The following SGF29 variants were observed in gnomAD, a reference collection of about 807,000 sequenced individuals.
SGF29 encodes the protein SAGA-associated factor 29.
A neutral mutation model predicts 38.1 loss-of-function variants in SGF29; 15 were observed. That is an observed-to-expected ratio of 0.39 (90% CI 0.26 to 0.61). The LOEUF (loss-of-function observed/expected upper bound fraction) is 0.61, where lower values mean the gene tolerates loss of function less well. Among genes scored for constraint, SGF29 ranks in the 20% least tolerant of loss-of-function variants. The pLI is 0.49. For missense variants in SGF29, 184 were observed against 394.6 expected (o/e 0.47, Z 4.52); for synonymous variants, 151 against 160.8 (o/e 0.94, Z 0.46).
At chr16:28,567,242 T>A (rs1356722609) in intron 1 of SGF29, among the ~76,000 whole-genome samples, 2 of 152,134 alleles carry the variant, frequency 1.3e-5, no homozygotes, top group Non-Finnish European at 2.9e-5. Context: ...AGTGAGTGAG[T>A]ATCTTAGTTC....
intron 2 of SGF29, among the ~76,000 whole-genome samples, chr16:28,582,551 G>A (rs2046932365): frequency 6.6e-6 from 1 of 152,224 alleles, no homozygotes; most frequent in African/African-American, 2.4e-5. Context: ...GCGCAGGGCA[G>A]AGCAGGTATA....
At position 28,590,081 on chromosome 16, in the gene SGF29, C is replaced by T. The variant is rs1227521068; in HGVS notation, c.290-15C>T. 1 of 1,607,658 alleles carries T rather than the reference C, an allele frequency of 6.2e-7. No individual in the cohort carries two copies. On this transcript the variant is annotated splice_polypyrimidine_tract_variant and intron_variant, in intron 5 of 9. Transcript: ENST00000317058. This position sits in a 1 kb window ranked among gnomAD's most constrained non-coding sequence, Gnocchi z 8.2. ...ACCTATCCCTGGGGCCTCAGGCCTCCCTTCCTTCCCACAGCGGCCAAGATT... is the reference window on the plus strand; with the variant it reads ...ACCTATCCCTGGGGCCTCAGGCCTCTCTTCCTTCCCACAGCGGCCAAGATT...
intron 1 of SGF29, among the ~76,000 whole-genome samples, chr16:28,562,191 C>T (rs2046794487): frequency 6.6e-6 from 1 of 152,160 alleles, no homozygotes; most frequent in Non-Finnish European, 1.5e-5. Flanking sequence ...CCCCTGGCCT[C>T]CAGATGAGAA....
At chr16:28,567,440 C>G (rs1399857964) in intron 1 of SGF29, among the ~76,000 whole-genome samples, 2 of 152,086 alleles carry the variant, frequency 1.3e-5, no homozygotes, top group African/African-American at 2.4e-5. Flanking sequence ...TTATACATTC[C>G]CTAGTCTAAA....
rs1567293780 is a variant in SGF29, at chr16:28,590,393, G to A, written c.517G>A (p.Glu173Lys). ...AARVKAVDGD[E>K]QWILAEVVSY... ...CCGGGTGAAGGCCGTGGATGGGGAC[G>A]AGCAGTGGATCCTGGCCGAGGTGGT... is the stretch of plus-strand genomic sequence containing the variant. Residue 173 changes from glutamate (E) to lysine (K), a missense_variant, in exon 7 of 10, where the codon GAG becomes AAG. Around this residue, in one of 2 missense-constraint regions of SGF29, gnomAD observed 107 missense variants for 276.9 expected, o/e 0.39. Transcript: ENST00000317058. The surrounding 1 kb of genome is among the most constrained non-coding windows in gnomAD (Gnocchi z 8.2). 3 of 1,613,908 alleles carry A rather than the reference G, an allele frequency of 1.9e-6. No homozygotes were observed. The highest frequency in any genetic ancestry group is 2.5e-6 in the Non-Finnish European group (3 of 1,179,842).
At chr16:28,572,652 A>G (rs1373981288) in intron 1 of SGF29, among the ~76,000 whole-genome samples, 1 of 152,170 alleles carries the variant, frequency 6.6e-6, no homozygotes, top group Non-Finnish European at 1.5e-5. Flanking sequence ...CTTCTTTAGG[A>G]CTGGTCAGGC....
At chr16:28,587,539 G>T (rs534079489) in intron 4 of SGF29, among the ~76,000 whole-genome samples, 1 of 152,324 alleles carries the variant, frequency 6.6e-6, no homozygotes, top group East Asian at 1.9e-4. Flanking sequence ...CCCTGCGTTG[G>T]TTTGGCTGCC....
intron 2 of SGF29, among the ~76,000 whole-genome samples, chr16:28,583,347 C>G (rs1294758132): frequency 1.3e-5 from 2 of 152,204 alleles, no homozygotes; most frequent in Non-Finnish European, 2.9e-5. Flanking sequence ...GTACCTGGTC[C>G]AGATTGCAGC....
intron 1 of SGF29, among the ~76,000 whole-genome samples, chr16:28,564,704 T>TAC (rs1344431767): frequency 1.2e-5 from 1 of 80,554 alleles, no homozygotes; most frequent in Non-Finnish European, 2.4e-5. Flanking sequence ...TATGTATATA[T>TAC]ATACATATAT....
chr16:28,585,653 C>T lies in SGF29; in HGVS notation c.157C>T (p.Pro53Ser). 6.2e-7 allele frequency: 1 copy of T among 1,614,176 alleles called. No homozygotes were observed. Among genetic ancestry groups the T allele is most frequent in the Non-Finnish European group, 8.5e-7 (1 of 1,179,992 alleles). The change falls in exon 4 of 10, where the codon CCC (proline) becomes TCC (serine). Residue 53 changes from proline (P) to serine (S), a missense_variant. This residue lies in a region of SGF29 where 77 missense variants were observed against 117.7 expected (regional missense o/e 0.65). Transcript: ENST00000317058. Reference sequence around the variant, plus strand: ...TCCCTGTGTTTCCTCTGCAGTTTCTCCCTATTACCGGACAAAGCTGCGTGG... The same window carrying T: ...TCCCTGTGTTTCCTCTGCAGTTTCTTCCTATTACCGGACAAAGCTGCGTGG... The part of the protein sequence containing the change: ...ERMQTENKIS[P>S]YYRTKLRGLY...
At chr16:28,556,404 A>G (rs1357434052) in intron 1 of SGF29, among the ~76,000 whole-genome samples, 1 of 151,904 alleles carries the variant, frequency 6.6e-6, no homozygotes, top group East Asian at 1.9e-4. Context: ...CTGGATTGCA[A>G]TGGCGCAATC....
intron 1 of SGF29, among the ~76,000 whole-genome samples, chr16:28,578,062 C>G (rs1466271105): frequency 1.3e-5 from 2 of 151,872 alleles, no homozygotes; most frequent in African/African-American, 4.8e-5. Flanking sequence ...GTCTGGTGGC[C>G]TAGGCTCGTC....
At chr16:28,556,813 A>G (rs1382745889) in intron 1 of SGF29, among the ~76,000 whole-genome samples, 1 of 151,732 alleles carries the variant, frequency 6.6e-6, no homozygotes, top group Non-Finnish European at 1.5e-5. Flanking sequence ...CCAGCTAATT[A>G]TTTTATTTTG....
intron 1 of SGF29, among the ~76,000 whole-genome samples, chr16:28,566,812 C>G (rs1479633829): frequency 6.6e-6 from 1 of 151,980 alleles, no homozygotes; most frequent in Non-Finnish European, 1.5e-5. Context: ...GGATTACAGG[C>G]GTGCACCACC....
chr16:28,554,507 TAAC>T (rs1422606521), intron 1 of SGF29, among the ~76,000 whole-genome samples: 1 of 152,160 alleles, frequency 6.6e-6, no homozygotes, highest in Non-Finnish European at 1.5e-5. Context: ...ATATAGTTCT[TAAC>T]AAGATACACT....
At chr16:28,580,810 T>C (rs2046920629) in intron 1 of SGF29, among the ~76,000 whole-genome samples, 1 of 152,210 alleles carries the variant, frequency 6.6e-6, no homozygotes, top group South Asian at 2.1e-4. Flanking sequence ...GCTTCTCGAA[T>C]AGCTGGGACT....
At chr16:28,576,691 A>C (rs2046896132) in intron 1 of SGF29, among the ~76,000 whole-genome samples, 1 of 152,060 alleles carries the variant, frequency 6.6e-6, no homozygotes, top group African/African-American at 2.4e-5. Flanking sequence ...CAAGGCTAGA[A>C]TCTGTCCCAA....
Position 28,590,942 on chromosome 16 carries a change from C to A in SGF29, c.765+7C>A, listed in dbSNP as rs1167424067. 1 of 1,603,782 alleles carries A rather than the reference C, an allele frequency of 6.2e-7. No individual in the cohort carries two copies. Among genetic ancestry groups the A allele is most frequent in the South Asian group, 1.1e-5 (1 of 89,742 alleles). On this transcript the variant is annotated splice_region_variant and intron_variant, in intron 9 of 9. Transcript: ENST00000317058. The surrounding 1 kb of genome is among the most constrained non-coding windows in gnomAD (Gnocchi z 8.2). Reference sequence around the variant, plus strand: ...CCATGCGCCCCCACAGCGGGTAAAGCAGCCTCCAGGGGAGAGGCCATGGGT... The same window carrying A: ...CCATGCGCCCCCACAGCGGGTAAAGAAGCCTCCAGGGGAGAGGCCATGGGT...
intron 1 of SGF29, among the ~76,000 whole-genome samples, chr16:28,565,423 G>T (rs1389132903): frequency 6.6e-6 from 1 of 152,200 alleles, no homozygotes; most frequent in African/African-American, 2.4e-5. Context: ...AGGTCCAGGA[G>T]CTGCCAGGAG....
Sources: gnomAD v4.1 joint callset for allele counts (sites outside exome capture counted in the v4.1 genomes callset) on GRCh38, gnomAD v4.1.1 for gene constraint, gnomAD v4.1.1 regional missense constraint, Gnocchi (gnomAD v3.1) non-coding constraint, MANE v1.5 for transcripts, NCBI Gene and HGNC (gene_info 2026-07-23, HGNC 2026-07-21) for gene names.